Variants in SIRT1 observed in about 807,000 individuals in gnomAD.
The protein encoded by SIRT1 is sirtuin 1.
Under a neutral mutation model 67.9 loss-of-function variants are expected in SIRT1, and 24 were observed. That is an observed-to-expected ratio of 0.35 (90% CI 0.26 to 0.50). SIRT1 has a LOEUF of 0.50. Among genes scored for constraint, SIRT1 ranks in the 20% least tolerant of loss-of-function variants. The probability of loss-of-function intolerance (pLI) is 0.98; values close to 1 mark genes in which losing one functional copy is unlikely to be tolerated. For synonymous variants in SIRT1, 378 were observed against 350.7 expected (o/e 1.08, Z -0.87); for missense variants, 873 against 937.2 (o/e 0.93, Z 0.89).
chr10:67,912,243 G>C (rs965894100), intron 7 of SIRT1, among the ~76,000 whole-genome samples: 2 of 152,176 alleles, frequency 1.3e-5, no homozygotes, highest in Non-Finnish European at 1.5e-5. Flanking sequence ...AGATTGCTCA[G>C]GGGTAACCAG....
intron 4 of SIRT1, among the ~76,000 whole-genome samples, chr10:67,896,761 CAAAAAAAAA>C (rs35899726): frequency 2.1e-4 from 12 of 56,750 alleles, no homozygotes; most frequent in African/African-American, 1.9e-4. Context: ...GAATCTGTCT[CAAAAAAAAA>C]AAAAAAAAAA....
chr10:67,915,076 G>C (rs1169557377), intron 8 of SIRT1, among the ~76,000 whole-genome samples: 1 of 151,950 alleles, frequency 6.6e-6, no homozygotes, highest in African/African-American at 2.4e-5. Flanking sequence ...GTAATAGAGG[G>C]AAATAAGTGG....
At chr10:67,889,205 A>G in intron 3 of SIRT1, 82 bp downstream of exon 3, 1 of 1,443,944 alleles carries the variant, frequency 6.9e-7, no homozygotes, top group Non-Finnish European at 9.2e-7. Context: ...TCTGGTTTAG[A>G]AGGATTTATC....
rs1047393773 is a variant in SIRT1 at position 67,909,280 on chromosome 10, C to A, written c.1195C>A (p.Pro399Thr). 4 of 1,608,730 alleles carry A rather than the reference C, an allele frequency of 2.5e-6. No individual in the cohort carries two copies. Among genetic ancestry groups the A allele is most frequent in the Non-Finnish European group, 8.5e-7 (1 of 1,177,990 alleles). Residue 399 changes from proline to threonine, a missense_variant, in exon 7 of 9, where the codon CCA (proline) becomes ACA (threonine). Physicochemically the swap from Pro to Thr is conservative, Grantham distance 38. Coordinates refer to ENST00000212015, the MANE Select transcript of SIRT1 (RefSeq NM_012238.5). ...GGTAGTTCCTCGATGTCCTAGGTGC[C>A]CAGCTGATGAACCGCTTGCTATCAT... ...NQVVPRCPRC[P>T]ADEPLAIMKP...
At chr10:67,911,728 C>T (rs1311867531) in intron 7 of SIRT1, among the ~76,000 whole-genome samples, 1 of 148,694 alleles carries the variant, frequency 6.7e-6, no homozygotes, top group Non-Finnish European at 1.5e-5. Flanking sequence ...TTCGTCCATC[C>T]TTCTGTCTGT....
At chr10:67,902,153 T>C (rs1346681463) in intron 4 of SIRT1, among the ~76,000 whole-genome samples, 1 of 152,152 alleles carries the variant, frequency 6.6e-6, no homozygotes, top group Non-Finnish European at 1.5e-5. Context: ...CACGCCCGGC[T>C]AGTTATTGTA....
intron 2 of SIRT1, 124 bp from the exon 3 acceptor site, chr10:67,888,758 A>G: frequency 9.6e-7 from 1 of 1,044,022 alleles, no homozygotes; most frequent in South Asian, 1.6e-5. Context: ...ATGAAATACC[A>G]TTAAATTGCA....
At chr10:67,904,621 G>A (rs894662418) in intron 4 of SIRT1, among the ~76,000 whole-genome samples, 16 of 152,040 alleles carry the variant, frequency 1.1e-4, no homozygotes, top group East Asian at 1.9e-4. Flanking sequence ...CAAGGTGGGC[G>A]GATCACCTGA....
At chr10:67,908,614 G>A (rs959333866) in intron 6 of SIRT1, among the ~76,000 whole-genome samples, 21 of 152,150 alleles carry the variant, frequency 1.4e-4, no homozygotes, top group African/African-American at 4.6e-4. Flanking sequence ...TATTAAAATG[G>A]AGTCATTGGT....
At chr10:67,912,015 C>T (rs529929922) in intron 7 of SIRT1, among the ~76,000 whole-genome samples, 2 of 152,228 alleles carry the variant, frequency 1.3e-5, no homozygotes, top group South Asian at 2.1e-4. Flanking sequence ...CCGCCTGCCT[C>T]GGCCTCCCAA....
At chr10:67,898,009 G>A (rs1402940844) in intron 4 of SIRT1, among the ~76,000 whole-genome samples, 7 of 127,970 alleles carry the variant, frequency 5.5e-5, no homozygotes, top group African/African-American at 1.2e-4. Flanking sequence ...GGTGGCTCAC[G>A]CCTGTAATCC....
chr10:67,896,347 G>A (rs919530478), intron 4 of SIRT1, among the ~76,000 whole-genome samples: 1 of 152,140 alleles, frequency 6.6e-6, no homozygotes, highest in African/African-American at 2.4e-5. Context: ...TTCTCACTAT[G>A]TTGTCCAGGC....
intron 4 of SIRT1, among the ~76,000 whole-genome samples, chr10:67,894,924 G>A (rs568461900): frequency 6.6e-6 from 1 of 152,072 alleles, no homozygotes; most frequent in Non-Finnish European, 1.5e-5. Context: ...GTGTCTCGTC[G>A]TGACCTCGTG....
At chr10:67,896,911 A>G (rs925608955) in intron 4 of SIRT1, among the ~76,000 whole-genome samples, 23 of 152,172 alleles carry the variant, frequency 1.5e-4, no homozygotes, top group Middle Eastern at 3.4e-3. Context: ...CTTTAATCCC[A>G]GCCCTTTGGA....
chr10:67,894,779 G>C (rs977241620), intron 4 of SIRT1, among the ~76,000 whole-genome samples: 1 of 151,936 alleles, frequency 6.6e-6, no homozygotes, highest in African/African-American at 2.4e-5. Context: ...GCGCGATCTC[G>C]GCTCACTGCA....
intron 4 of SIRT1, chr10:67,906,217 C>T: frequency 6.7e-7 from 1 of 1,482,310 alleles, no homozygotes; most frequent in Non-Finnish European, 9.0e-7. Flanking sequence ...CAAAATCCAG[C>T]AACTCAGCAT....
At position 67,912,958 on chromosome 10, in the gene SIRT1, T is replaced by A; in HGVS notation, c.1842T>A (p.Thr614=). ...GTACTGGGGAGAAAAATGAAAGAAC[T>A]TCAGTGGCTGGAACAGTGAGAAAAT... ...GSSTGEKNER[T]SVAGTVRKCW... Residue 614 remains threonine, a synonymous_variant, in exon 8 of 9, where the codon ACT becomes ACA. Coordinates refer to ENST00000212015, the MANE Select transcript of SIRT1 (RefSeq NM_012238.5). 1 of 1,614,082 alleles carries A rather than the reference T, an allele frequency of 6.2e-7. No homozygotes were observed. Among genetic ancestry groups the A allele is most frequent in the Non-Finnish European group, 8.5e-7 (1 of 1,180,008 alleles).
chr10:67,900,873 A>T (rs545637962), intron 4 of SIRT1, among the ~76,000 whole-genome samples: 5 of 152,182 alleles, frequency 3.3e-5, no homozygotes, highest in Admixed American at 6.5e-5. Context: ...TGGGAATATT[A>T]TGTTCTTTTC....
chr10:67,897,433 T>C (rs575663826), intron 4 of SIRT1, among the ~76,000 whole-genome samples: 1 of 151,980 alleles, frequency 6.6e-6, no homozygotes, highest in East Asian at 2.0e-4. Context: ...GATTATGGGA[T>C]CTTGGCTCAC....
Sources: allele counts gnomAD v4.1 joint callset (sites outside exome capture counted in the v4.1 genomes callset), GRCh38; gene constraint gnomAD v4.1.1; transcripts MANE v1.5; gene names NCBI Gene and HGNC (gene_info 2026-07-23, HGNC 2026-07-21).